Variants in ADH1A observed in about 807,000 individuals in gnomAD.
ADH1A encodes alcohol dehydrogenase 1A.
ADH1A carries 29 observed loss-of-function variants against 35.2 expected under a neutral mutation model. That is an observed-to-expected ratio of 0.82 (90% confidence interval 0.61 to 1.12). The LOEUF (loss-of-function observed/expected upper bound fraction) is 1.12. ADH1A is among the 50% of genes most tolerant of loss of function. ADH1A has a pLI of 0.00. For synonymous variants in ADH1A, 147 were observed against 164.8 expected, an observed-to-expected ratio of 0.89 and a Z score of 0.83; for missense variants, 469 against 464.7, an observed-to-expected ratio of 1.01 and a Z score of -0.09.
intron 7 of ADH1A, among the ~76,000 whole-genome samples, 177 bp from the exon 8 acceptor site, chr4:99,279,741 A>AG (rs1263920958): frequency 6.6e-6 from 1 of 152,208 alleles, no homozygotes; most frequent in Non-Finnish European, 1.5e-5. Context: ...TTAAAAAAAA[A>AG]TCACAGATAA....
chr4:99,279,952 G>A (rs963678289), intron 7 of ADH1A, among the ~76,000 whole-genome samples, 192 bp downstream of exon 7: 2 of 152,160 alleles, frequency 1.3e-5, no homozygotes, highest in Non-Finnish European at 2.9e-5. Flanking sequence ...TTTGTTAATG[G>A]TGGCATCAGA....
At chr4:99,284,071 G>A (rs28364315) in intron 5 of ADH1A, among the ~76,000 whole-genome samples, 2,208 of 152,270 alleles carry the variant, frequency 0.015, 27 homozygotes, top group Middle Eastern at 0.038. Context: ...TATGGTGCCT[G>A]AAGCATGTGT....
Position 99,282,364 on chromosome 4 carries a change from G to T in ADH1A, c.810C>A (p.Ile270=). 6.2e-7 allele frequency: 1 copy of T among 1,614,164 alleles called. No individual in the cohort carries two copies. The highest frequency in any genetic ancestry group is 1.1e-5 in the South Asian group (1 of 91,078). ...TACATACCATGGTGTCAAGCCGACC[G>T]ATGACTTCAAATGAAAAATCCACAC... ...DGGVDFSFEV[I]GRLDTMMASL... is the part of the protein sequence containing the mutation. Residue 270 remains isoleucine, a synonymous_variant, in exon 6 of 9, where the codon ATC becomes ATA. Transcript: ENST00000209668.
At chr4:99,287,537 A>G (rs755334106) in intron 2 of ADH1A, 27 bp downstream of exon 2, 19 of 1,594,488 alleles carry the variant, frequency 1.2e-5, no homozygotes, top group Non-Finnish European at 1.6e-5. Flanking sequence ...TTTAAAACTT[A>G]AATACAAATG....
At chr4:99,285,902 GC>G (rs535083433) in intron 3 of ADH1A, among the ~76,000 whole-genome samples, 207 of 151,414 alleles carry the variant, frequency 1.4e-3, no homozygotes, top group African/African-American at 4.9e-3. Context: ...GGCACCTGTG[GC>G]CCCAGATACC....
chr4:99,276,514 T>C lies in ADH1A; in HGVS notation c.*110A>G. 4 of 971,422 alleles carry C rather than the reference T, an allele frequency of 4.1e-6. No homozygotes were observed. Among genetic ancestry groups the C allele is most frequent in the Non-Finnish European group, 6.5e-6 (4 of 617,920 alleles). The allele number at this position is 971,422 out of a possible 1,614,324, so 60.2% of individuals were successfully genotyped here. On this transcript the variant is annotated 3_prime_UTR_variant, in exon 9 of 9. Transcript: ENST00000209668. Reference sequence around the variant, plus strand: ...TTGGAAAGCCCCCAAATGTAATTTATTGATAAAATCTGTGATGAGCAGAAT... The same window carrying C: ...TTGGAAAGCCCCCAAATGTAATTTACTGATAAAATCTGTGATGAGCAGAAT...
intron 8 of ADH1A, among the ~76,000 whole-genome samples, chr4:99,279,039 A>T (rs1244032874): frequency 6.6e-6 from 1 of 152,170 alleles, no homozygotes; most frequent in Non-Finnish European, 1.5e-5. Context: ...TTATTTAAAT[A>T]TACAGCCACC....
chr4:99,289,336 G>C (rs1733236462), intron 1 of ADH1A, among the ~76,000 whole-genome samples: 2 of 152,026 alleles, frequency 1.3e-5, no homozygotes, highest in South Asian at 4.1e-4. Flanking sequence ...TGAATTATTG[G>C]CTTTATTTTA....
intron 8 of ADH1A, among the ~76,000 whole-genome samples, chr4:99,277,932 C>A (rs1042465072): frequency 6.6e-6 from 1 of 151,928 alleles, no homozygotes; most frequent in Non-Finnish European, 1.5e-5. Flanking sequence ...ACAAAAGATC[C>A]ATTTTTTTTA....
In ADH1A at chr4:99,287,581, G is replaced by A; in HGVS notation, c.103C>T (p.His35Tyr). 6.2e-7 allele frequency: 1 copy of A among 1,612,834 alleles called. No homozygotes were observed. The highest frequency in any genetic ancestry group is 1.1e-5 in the South Asian group (1 of 90,900). ...TATTTCACCTTAATACGAACTTCAT[G>A]GGCCTTAGGAGGTGCAACCTCCACC... The part of the protein sequence containing the change: ...EEVEVAPPKA[H>Y]EVRIKMVAVG... The change falls in exon 2 of 9, where the codon CAT (histidine) becomes TAT (tyrosine). Residue 35 changes from histidine (H) to tyrosine (Y), a missense_variant. His to Tyr is a moderately conservative substitution (Grantham distance 83). Transcript: ENST00000209668.
chr4:99,287,115 A>G (rs1733171828), intron 2 of ADH1A, 127 bp from the exon 3 acceptor site: 1 of 1,178,474 alleles, frequency 8.5e-7, no homozygotes, highest in Admixed American at 2.6e-5. Context: ...TACTATCCCA[A>G]GTATGAAAGA....
chr4:99,290,717 A>G (rs1300487405), intron 1 of ADH1A, among the ~76,000 whole-genome samples, 180 bp downstream of exon 1: 3 of 152,198 alleles, frequency 2.0e-5, no homozygotes, highest in Admixed American at 6.5e-5. Flanking sequence ...GTATTTAGGA[A>G]TAGCTTATTT....
intron 1 of ADH1A, chr4:99,288,535 G>C (rs1733213405): frequency 6.6e-6 from 1 of 152,180 alleles, no homozygotes; most frequent in South Asian, 2.1e-4. Context: ...TTGTGGTTAA[G>C]CATGTACAAT....
At chr4:99,286,011 G>C (rs1218285744) in intron 3 of ADH1A, among the ~76,000 whole-genome samples, 17 of 108,128 alleles carry the variant, frequency 1.6e-4, no homozygotes, top group African/African-American at 6.0e-4. Flanking sequence ...GACAGAGCGA[G>C]ACTCCGTCTC....
At chr4:99,284,834 A>G (rs760375365) in intron 3 of ADH1A, 31 bp from the exon 4 acceptor site, 12 of 1,584,604 alleles carry the variant, frequency 7.6e-6, no homozygotes, top group Non-Finnish European at 3.5e-6. Flanking sequence ...TTCTTTTACA[A>G]TTTCTATCCA....
intron 5 of ADH1A, 81 bp downstream of exon 5, chr4:99,284,318 C>T (rs959716899): frequency 1.5e-5 from 22 of 1,421,424 alleles, no homozygotes; most frequent in South Asian, 6.0e-5. Flanking sequence ...AAATAATCTT[C>T]GATTCTTGTG....
intron 2 of ADH1A, 77 bp downstream of exon 2, chr4:99,287,487 T>G: frequency 7.2e-7 from 1 of 1,391,346 alleles, no homozygotes. Flanking sequence ...GATGATCATA[T>G]AAAAATTTGG....
rs1360733923 is a variant in ADH1A, at chr4:99,284,513, T to C, written c.453A>G (p.Thr151=). The C allele has an allele frequency of 1.9e-6, 3 of 1,614,220 alleles. No individual in the cohort carries two copies. The highest frequency in any genetic ancestry group is 8.5e-7 in the Non-Finnish European group (1 of 1,180,044). The change falls in exon 5 of 9, where the codon ACA becomes ACG. Residue 151 remains threonine, a synonymous_variant. Coordinates refer to ENST00000209668, the MANE Select transcript of ADH1A (RefSeq NM_000667.4). ...TGGCTACTGCATTTTCATCCACCAC[T>C]GTGTACTGTGAGAAGGTGCTGATGC... ...FLGISTFSQY[T]VVDENAVAKI... is the part of the protein sequence containing the mutation.
At chr4:99,276,765 C>T (rs1305481051) in intron 8 of ADH1A, 117 bp from the exon 9 acceptor site, 12 of 933,356 alleles carry the variant, frequency 1.3e-5, no homozygotes, top group Non-Finnish European at 1.7e-5. Flanking sequence ...ACTCTAATCC[C>T]ACCCCCATGC....
Sources: gnomAD v4.1 joint callset for allele counts (sites outside exome capture counted in the v4.1 genomes callset) on GRCh38, gnomAD v4.1.1 for gene constraint, MANE v1.5 for transcripts, NCBI Gene and HGNC (gene_info 2026-07-23, HGNC 2026-07-21) for gene names.